Variants in MTSS1 observed in about 807,000 individuals in gnomAD.
MTSS1 encodes protein MTSS 1.
A neutral mutation model predicts 79.0 loss-of-function variants in MTSS1; 18 were observed. That is an observed-to-expected ratio of 0.23 (90% CI 0.16 to 0.34). MTSS1 has a LOEUF of 0.34. MTSS1 is among the 10% of genes least tolerant of loss of function. The pLI, the probability that MTSS1 is intolerant of heterozygous loss-of-function variation, is 1.00. For missense variants in MTSS1, 815 were observed against 986.2 expected (o/e 0.83, Z 2.33); for synonymous variants, 341 against 368.6 (o/e 0.93, Z 0.86).
At position 124,553,604 on chromosome 8, in the gene MTSS1, G is replaced by A. The variant is rs781571240; in HGVS notation, c.1656C>T (p.Ser552=). 16 of 1,614,036 alleles carry A rather than the reference G, an allele frequency of 9.9e-6. No homozygotes were observed. The highest frequency in any genetic ancestry group is 2.2e-5 in the South Asian group (2 of 91,088). The change falls in exon 14 of 14, where the codon AGC becomes AGT. Residue 552 remains serine, a synonymous_variant. Transcript: ENST00000518547. This position sits in a 1 kb window ranked among gnomAD's most constrained non-coding sequence, Gnocchi z 6.0. The part of the protein sequence containing the change: ...FDKSSTIPRN[S]DISQSYRRMF... ...TCCGTCGGTAGGACTGGCTGATGTC[G>A]CTGTTTCTTGGAATGGTGGAGGACT...
At chr8:124,613,444 C>T (rs1836247461) in intron 3 of MTSS1, among the ~76,000 whole-genome samples, 1 of 152,238 alleles carries the variant, frequency 6.6e-6, no homozygotes, top group African/African-American at 2.4e-5. Flanking sequence ...TTTGTGTGCA[C>T]AGCTTCATGC....
intron 3 of MTSS1, among the ~76,000 whole-genome samples, chr8:124,671,360 T>C (rs1209183218): frequency 6.6e-6 from 1 of 152,084 alleles, no homozygotes; most frequent in Non-Finnish European, 1.5e-5. Context: ...CTGGACACCA[T>C]ACCTCGAATG....
Position 124,674,635 on chromosome 8 carries a change from C to T in MTSS1, c.208+24891G>A, listed in dbSNP as rs188058459. Among the ~76,000 whole-genome samples, 929 of 152,156 alleles carry T rather than the reference C, an allele frequency of 6.1e-3. 14 individuals carry two copies. Among genetic ancestry groups the T allele is most frequent in the African/African-American group, 0.021 (892 of 41,514 alleles). ...CTGGAATTATAGGCAGAAGCCACCACGCCCGGCCAGATTACATTTATTAAA... is the reference window on the plus strand; with the variant it reads ...CTGGAATTATAGGCAGAAGCCACCATGCCCGGCCAGATTACATTTATTAAA... On this transcript the variant is annotated intron_variant, in intron 3 of 13. Coordinates refer to ENST00000518547, the MANE Select transcript of MTSS1 (RefSeq NM_014751.6).
At chr8:124,723,345 C>A (rs990447104) in intron 1 of MTSS1, among the ~76,000 whole-genome samples, 1 of 152,142 alleles carries the variant, frequency 6.6e-6, no homozygotes, top group Admixed American at 6.5e-5. Flanking sequence ...CTGAACCAGG[C>A]AAAATCCAAA....
At chr8:124,676,710 C>A (rs1373727837) in intron 3 of MTSS1, among the ~76,000 whole-genome samples, 1 of 152,126 alleles carries the variant, frequency 6.6e-6, no homozygotes, top group Admixed American at 6.5e-5. Context: ...GTCTCCGTTC[C>A]CTTGAATTCT....
At chr8:124,722,154 G>C (rs1385064615) in intron 1 of MTSS1, among the ~76,000 whole-genome samples, 1 of 151,920 alleles carries the variant, frequency 6.6e-6, no homozygotes, top group East Asian at 1.9e-4. Flanking sequence ...ACATTAGACA[G>C]GAAAAGAAAA....
chr8:124,721,890 T>C (rs1384914136), intron 1 of MTSS1, among the ~76,000 whole-genome samples: 1 of 152,144 alleles, frequency 6.6e-6, no homozygotes, highest in Non-Finnish European at 1.5e-5. Flanking sequence ...ACCACACGCA[T>C]GCAGCCAAAT....
intron 1 of MTSS1, among the ~76,000 whole-genome samples, chr8:124,713,652 G>A (rs893105990): frequency 6.6e-6 from 1 of 151,952 alleles, no homozygotes; most frequent in African/African-American, 2.4e-5. Flanking sequence ...TCGAACTCCT[G>A]ACCTCAGATG....
chr8:124,636,786 T>C (rs1817080324), intron 3 of MTSS1, among the ~76,000 whole-genome samples: 1 of 152,172 alleles, frequency 6.6e-6, no homozygotes, highest in South Asian at 2.1e-4. Context: ...CACTTTACAT[T>C]TGGCACAAGG....
At chr8:124,556,113 G>A (rs1412462850) in intron 12 of MTSS1, 119 bp downstream of exon 12, 5 of 1,563,116 alleles carry the variant, frequency 3.2e-6, no homozygotes, top group Non-Finnish European at 4.3e-6. Flanking sequence ...GGAAGTCAGG[G>A]AATGGAGCCC....
chr8:124,715,685 AT>A (rs34773142), intron 1 of MTSS1, among the ~76,000 whole-genome samples: 54,410 of 150,226 alleles, frequency 0.36, 10,861 homozygotes, highest in African/African-American at 0.55. Flanking sequence ...TTCCATAGCC[AT>A]TTTTTTTTTA....
At chr8:124,716,967 A>G (rs1443712870) in intron 1 of MTSS1, among the ~76,000 whole-genome samples, 1 of 151,850 alleles carries the variant, frequency 6.6e-6, no homozygotes, top group Non-Finnish European at 1.5e-5. Context: ...GTCTAGTCAC[A>G]AGGATGTACT....
At chr8:124,613,393 C>T (rs544306667) in intron 3 of MTSS1, among the ~76,000 whole-genome samples, 32 of 152,344 alleles carry the variant, frequency 2.1e-4, no homozygotes, top group African/African-American at 4.8e-4. Flanking sequence ...GCAATTAACA[C>T]GCAAACCTAC....
At chr8:124,704,230 T>C (rs771063780) in intron 1 of MTSS1, 39 bp from the exon 2 acceptor site, 5 of 1,552,670 alleles carry the variant, frequency 3.2e-6, no homozygotes, top group Non-Finnish European at 4.4e-6. Context: ...CACACTGCGA[T>C]AGACATCTGA....
chr8:124,607,247 G>A (rs1259344771), intron 3 of MTSS1, among the ~76,000 whole-genome samples: 1 of 152,202 alleles, frequency 6.6e-6, no homozygotes, highest in African/African-American at 2.4e-5. Flanking sequence ...GAGGAAAAGT[G>A]GCTGCAACTA....
At chr8:124,687,384 T>A (rs1827155956) in intron 3 of MTSS1, among the ~76,000 whole-genome samples, 1 of 152,166 alleles carries the variant, frequency 6.6e-6, no homozygotes, top group Admixed American at 6.5e-5. Flanking sequence ...CCTCTTGCAC[T>A]TGGGCTTAAA....
chr8:124,567,954 C>T (rs1826888137), intron 7 of MTSS1: 1 of 1,384,832 alleles, frequency 7.2e-7, no homozygotes, highest in Non-Finnish European at 9.3e-7. Flanking sequence ...ATGGTCACCC[C>T]TTAGTACTCG....
chr8:124,568,948 C>G (rs766245569), intron 6 of MTSS1: 2 of 983,884 alleles, frequency 2.0e-6, no homozygotes, highest in African/African-American at 1.7e-5. Context: ...AAAACGGGCA[C>G]GGGCTGGCTT....
intron 3 of MTSS1, among the ~76,000 whole-genome samples, chr8:124,621,323 A>G (rs1457672901): frequency 6.6e-6 from 1 of 152,232 alleles, no homozygotes; most frequent in Non-Finnish European, 1.5e-5. Flanking sequence ...GGCACTGTTA[A>G]TGACAGTCTC....
Sources: allele counts gnomAD v4.1 joint callset (sites outside exome capture counted in the v4.1 genomes callset), GRCh38; gene constraint gnomAD v4.1.1; non-coding constraint Gnocchi (gnomAD v3.1); transcripts MANE v1.5; gene names NCBI Gene and HGNC (gene_info 2026-07-23, HGNC 2026-07-21).